Variants in SGCG observed in about 807,000 individuals in gnomAD.
The protein encoded by SGCG is sarcoglycan gamma.
Under a neutral mutation model 29.3 loss-of-function variants are expected in SGCG, and 26 were observed. That is an observed-to-expected ratio of 0.89 (90% CI 0.65 to 1.23). The LOEUF is 1.23. SGCG is among the 50% of genes most tolerant of loss of function. The pLI, the probability that SGCG is intolerant of heterozygous loss-of-function variation, is 0.00. For missense variants in SGCG, 353 were observed against 356.0 expected, an observed-to-expected ratio of 0.99 and a Z score of 0.07; for synonymous variants, 145 against 129.7, an observed-to-expected ratio of 1.12 and a Z score of -0.80.
At chr13:23,193,749 G>A (rs929543087) in intron 1 of SGCG, among the ~76,000 whole-genome samples, 2 of 152,084 alleles carry the variant, frequency 1.3e-5, no homozygotes, top group Non-Finnish European at 2.9e-5. Flanking sequence ...AGATATTTTA[G>A]GTAGAAATAT....
At chr13:23,192,232 A>G (rs1189774812) in intron 1 of SGCG, among the ~76,000 whole-genome samples, 3 of 152,162 alleles carry the variant, frequency 2.0e-5, no homozygotes, top group Admixed American at 1.3e-4. Context: ...ATATGCATCA[A>G]TCATACTATT....
chr13:23,270,593 A>G (rs940453905), intron 4 of SGCG, among the ~76,000 whole-genome samples: 1 of 152,186 alleles, frequency 6.6e-6, no homozygotes. Context: ...TGCCCAGGGT[A>G]TATGTTGCTA....
intron 3 of SGCG, among the ~76,000 whole-genome samples, chr13:23,242,887 C>T (rs1239333894): frequency 2.0e-5 from 3 of 151,776 alleles, no homozygotes; most frequent in Admixed American, 2.0e-4. Context: ...AAAACAAAAA[C>T]CTGGAAATCA....
At chr13:23,312,635 C>T (rs1366685911) in intron 6 of SGCG, among the ~76,000 whole-genome samples, 1 of 152,164 alleles carries the variant, frequency 6.6e-6, no homozygotes, top group Non-Finnish European at 1.5e-5. Flanking sequence ...GATGAGAAAT[C>T]ACTTAATGGG....
chr13:23,206,964 C>T (rs1471616192), intron 2 of SGCG, among the ~76,000 whole-genome samples: 1 of 152,160 alleles, frequency 6.6e-6, no homozygotes, highest in Non-Finnish European at 1.5e-5. Flanking sequence ...ATAGAAAACA[C>T]AATCCAAAAA....
intron 6 of SGCG, among the ~76,000 whole-genome samples, chr13:23,299,452 A>ATTTTTTTT (rs1433429984): frequency 1.4e-4 from 6 of 43,428 alleles, no homozygotes; most frequent in Admixed American, 3.6e-4. Flanking sequence ...ATATATATAT[A>ATTTTTTTT]TATATTTTTT....
At chr13:23,253,747 C>A (rs1276574084) in intron 4 of SGCG, among the ~76,000 whole-genome samples, 1 of 152,212 alleles carries the variant, frequency 6.6e-6, no homozygotes, top group Non-Finnish European at 1.5e-5. Context: ...GGTATTGTAT[C>A]ATGAGGGTGG....
chr13:23,205,272 A>G (rs1877942957), intron 2 of SGCG, among the ~76,000 whole-genome samples: 1 of 152,212 alleles, frequency 6.6e-6, no homozygotes, highest in Non-Finnish European at 1.5e-5. Flanking sequence ...CATCATATAC[A>G]TTTTAGTATC....
intron 1 of SGCG, among the ~76,000 whole-genome samples, chr13:23,192,325 G>A (rs1877304596): frequency 6.6e-6 from 1 of 152,068 alleles, no homozygotes; most frequent in Admixed American, 6.5e-5. Context: ...GCTGTTCATG[G>A]AGTTTCTGTT....
intron 4 of SGCG, among the ~76,000 whole-genome samples, chr13:23,253,831 G>A (rs1880069209): frequency 6.6e-6 from 1 of 152,122 alleles, no homozygotes; most frequent in Non-Finnish European, 1.5e-5. Flanking sequence ...CATGACATCT[G>A]GTTGTTTAAA....
chr13:23,163,686 T>C, the SGCG span, among the ~76,000 whole-genome samples: 1 of 152,230 alleles, frequency 6.6e-6, no homozygotes, highest in Non-Finnish European at 1.5e-5. Flanking sequence ...CACTGTTTTT[T>C]GTCTAGTAGA....
At chr13:23,189,853 T>C (rs945254005) in intron 1 of SGCG, among the ~76,000 whole-genome samples, 1 of 152,114 alleles carries the variant, frequency 6.6e-6, no homozygotes, top group Non-Finnish European at 1.5e-5. Flanking sequence ...AGAACTGAAC[T>C]CCCCTACCCT....
chr13:23,296,346 A>T (rs1408590787), intron 6 of SGCG, among the ~76,000 whole-genome samples: 1 of 152,244 alleles, frequency 6.6e-6, no homozygotes, highest in East Asian at 1.9e-4. Context: ...TAACATTATA[A>T]AAACCAAGTG....
At position 23,310,365 on chromosome 13, in the gene SGCG, C is replaced by T. The variant is rs192329414; in HGVS notation, c.579-10272C>T. ...CCTCCCAAAGTGCTGGGATTACAGG[C>T]GTGAGCCACCGCGCCGGGCCTGAAT... On this transcript the variant is annotated intron_variant, in intron 6 of 7. Coordinates refer to ENST00000218867, the MANE Select transcript of SGCG (RefSeq NM_000231.3). 9.7e-3 allele frequency among the ~76,000 whole-genome samples: 1,473 copies of T among 152,168 alleles called. 27 individuals are homozygous for T. Among genetic ancestry groups the T allele is most frequent in the African/African-American group, 0.033 (1,391 of 41,538 alleles).
At chr13:23,195,490 G>A (rs1877456120) in intron 1 of SGCG, among the ~76,000 whole-genome samples, 2 of 151,718 alleles carry the variant, frequency 1.3e-5, no homozygotes, top group African/African-American at 4.8e-5. Flanking sequence ...TTTAAATAAA[G>A]GTTTTTGTTT....
chr13:23,291,861 A>T (rs1178692132), intron 5 of SGCG, among the ~76,000 whole-genome samples: 1 of 152,200 alleles, frequency 6.6e-6, no homozygotes, highest in Non-Finnish European at 1.5e-5. Context: ...TGTCATACCC[A>T]AGTAAATCGA....
At position 23,192,031 on chromosome 13, in the gene SGCG, C is replaced by A. The variant is rs1477788619; in HGVS notation, c.-1+10956C>A. On this transcript the variant is annotated intron_variant, in intron 1 of 7. Transcript: ENST00000218867. Reference sequence around the variant, plus strand: ...TCTACTGAAAATACAAAAAATAAGCCGGGCGTGGTGGCGGGCTCCTGTAGT... The same window carrying A: ...TCTACTGAAAATACAAAAAATAAGCAGGGCGTGGTGGCGGGCTCCTGTAGT... Among the ~76,000 whole-genome samples the A allele has an allele frequency of 1.1e-4, 17 of 151,834 alleles. 1 individual carries two copies. The South Asian group carries it at 3.1e-3, about 28-fold the overall frequency.
At chr13:23,181,770 A>G (rs186254469) in intron 1 of SGCG, among the ~76,000 whole-genome samples, 165 of 148,316 alleles carry the variant, frequency 1.1e-3, no homozygotes, top group Admixed American at 3.0e-3. Flanking sequence ...AAATTAATAC[A>G]TGACAACTAG....
intron 2 of SGCG, among the ~76,000 whole-genome samples, chr13:23,205,475 C>T (rs546044360): frequency 2.0e-5 from 3 of 152,120 alleles, no homozygotes; most frequent in South Asian, 2.1e-4. Context: ...CTGGGAGTGA[C>T]GAGAAGCCCA....
Sources: allele counts gnomAD v4.1 joint callset (sites outside exome capture counted in the v4.1 genomes callset), GRCh38; gene constraint gnomAD v4.1.1; transcripts MANE v1.5; gene names NCBI Gene and HGNC (gene_info 2026-07-23, HGNC 2026-07-21).